MIPOL1: variants seen among roughly 807,000 people sequenced by gnomAD.
The protein encoded by MIPOL1 is mirror-image polydactyly 1, also known as mirror-image polydactyly gene 1 protein.
A neutral mutation model predicts 60.9 loss-of-function variants in MIPOL1; 57 were observed. That is an observed-to-expected ratio of 0.94 (90% CI 0.76 to 1.17). The LOEUF (loss-of-function observed/expected upper bound fraction) is 1.17. Ranked by LOEUF, MIPOL1 falls within the 50% of genes most tolerant of loss-of-function variation. The pLI, the probability that MIPOL1 is intolerant of heterozygous loss-of-function variation, is 0.00. For synonymous variants in MIPOL1, 179 were observed against 168.8 expected (o/e 1.06, Z -0.47); for missense variants, 551 against 511.6 (o/e 1.08, Z -0.74).
At chr14:37,250,115 A>G (rs1973848170) in intron 3 of MIPOL1, among the ~76,000 whole-genome samples, 2 of 152,198 alleles carry the variant, frequency 1.3e-5, no homozygotes, top group Non-Finnish European at 2.9e-5. Flanking sequence ...TAGGCACAGT[A>G]AACTATATAG....
At chr14:37,430,115 G>A (rs2094034612) in intron 11 of MIPOL1, among the ~76,000 whole-genome samples, 1 of 151,970 alleles carries the variant, frequency 6.6e-6, no homozygotes, top group African/African-American at 2.4e-5. Context: ...ACTATCTATG[G>A]AGCTACATTA....
At chr14:37,351,056 C>T (rs1244793196) in intron 9 of MIPOL1, among the ~76,000 whole-genome samples, 1 of 44,344 alleles carries the variant, frequency 2.3e-5, no homozygotes, top group Non-Finnish European at 4.4e-5. Flanking sequence ...TATCCCTCCC[C>T]CCTCCCCCCA....
chr14:37,439,063 G>C (rs2094203923), intron 11 of MIPOL1, among the ~76,000 whole-genome samples: 1 of 152,146 alleles, frequency 6.6e-6, no homozygotes, highest in Non-Finnish European at 1.5e-5. Flanking sequence ...GTGAAACATA[G>C]AGTTAACAGA....
intron 1 of MIPOL1, among the ~76,000 whole-genome samples, chr14:37,244,274 C>T (rs558048006): frequency 2.0e-5 from 3 of 151,636 alleles, no homozygotes; most frequent in Admixed American, 2.0e-4. Context: ...GTGCACACCA[C>T]CAAGCCAGGC....
chr14:37,437,683 G>A (rs375276746), intron 11 of MIPOL1, among the ~76,000 whole-genome samples: 7 of 152,150 alleles, frequency 4.6e-5, no homozygotes, highest in African/African-American at 1.7e-4. Flanking sequence ...GACCATCAAC[G>A]GGTAATTAAC....
intron 1 of MIPOL1, among the ~76,000 whole-genome samples, chr14:37,201,497 G>A (rs937366440): frequency 1.3e-5 from 2 of 152,184 alleles, no homozygotes; most frequent in South Asian, 4.1e-4. Flanking sequence ...GTAAAAATAT[G>A]TAAAAATATA....
intron 9 of MIPOL1, among the ~76,000 whole-genome samples, chr14:37,367,629 C>T (rs566403381): frequency 1.3e-5 from 2 of 152,152 alleles, no homozygotes; most frequent in East Asian, 1.9e-4. Context: ...ATTCCCAAAA[C>T]AAGCCCAACT....
chr14:37,232,988 G>C (rs1331993419), intron 1 of MIPOL1, among the ~76,000 whole-genome samples: 1 of 152,152 alleles, frequency 6.6e-6, no homozygotes. Flanking sequence ...GGTGTATACT[G>C]TTTCATCAGC....
At chr14:37,395,151 G>C (rs1385314385) in intron 10 of MIPOL1, among the ~76,000 whole-genome samples, 1 of 152,142 alleles carries the variant, frequency 6.6e-6, no homozygotes, top group African/African-American at 2.4e-5. Context: ...ATGCTGTTTT[G>C]GTGATGATAG....
intron 1 of MIPOL1, among the ~76,000 whole-genome samples, chr14:37,240,234 G>A (rs1037119765): frequency 1.3e-5 from 2 of 152,068 alleles, no homozygotes; most frequent in Admixed American, 1.3e-4. Flanking sequence ...ATGGAAAATC[G>A]CTAAATGGTT....
At chr14:37,302,259 G>GTT (rs1244984056) in intron 7 of MIPOL1, among the ~76,000 whole-genome samples, 1,025 of 58,568 alleles carry the variant, frequency 0.018, 8 homozygotes, top group Middle Eastern at 0.067. Context: ...ATTTGGAACT[G>GTT]TTGTTTTTTT....
intron 10 of MIPOL1, among the ~76,000 whole-genome samples, chr14:37,413,507 T>G (rs1301815976): frequency 6.6e-6 from 1 of 152,222 alleles, no homozygotes; most frequent in African/African-American, 2.4e-5. Flanking sequence ...AGGATACTTG[T>G]GACTACATTG....
chr14:37,517,671 G>C (rs2095380758), intron 12 of MIPOL1, among the ~76,000 whole-genome samples: 2 of 152,120 alleles, frequency 1.3e-5, no homozygotes, highest in Non-Finnish European at 2.9e-5. Context: ...CGTGCACATA[G>C]TGTAATACAA....
intron 9 of MIPOL1, among the ~76,000 whole-genome samples, chr14:37,341,906 G>A (rs2153462873): frequency 6.6e-6 from 1 of 152,290 alleles, no homozygotes; most frequent in East Asian, 1.9e-4. Flanking sequence ...CTTTAGAGGA[G>A]TTATTTATTA....
intron 11 of MIPOL1, among the ~76,000 whole-genome samples, chr14:37,431,164 G>A (rs1173629252): frequency 6.6e-6 from 1 of 152,112 alleles, no homozygotes; most frequent in Non-Finnish European, 1.5e-5. Context: ...TTTATATTTT[G>A]TTAGATTAAA....
intron 12 of MIPOL1, among the ~76,000 whole-genome samples, chr14:37,507,959 A>T (rs2095294309): frequency 6.6e-6 from 1 of 152,114 alleles, no homozygotes; most frequent in Admixed American, 6.6e-5. Flanking sequence ...TAGATGAAGT[A>T]TTATCGGGTT....
chr14:37,539,201 C>CA (rs915536578), intron 12 of MIPOL1, among the ~76,000 whole-genome samples: 3 of 150,242 alleles, frequency 2.0e-5, no homozygotes, highest in East Asian at 2.0e-4. Context: ...GACTCCGTCT[C>CA]AAAAAAAATA....
intron 9 of MIPOL1, among the ~76,000 whole-genome samples, chr14:37,309,236 G>A (rs1441020657): frequency 6.6e-6 from 1 of 151,594 alleles, no homozygotes; most frequent in African/African-American, 2.4e-5. Context: ...CCAAAGTGTT[G>A]GGGATTACAG....
At chr14:37,322,677 C>T (rs1299898620) in intron 9 of MIPOL1, among the ~76,000 whole-genome samples, 3 of 151,866 alleles carry the variant, frequency 2.0e-5, no homozygotes, top group Non-Finnish European at 4.4e-5. Context: ...TTCTAACTGG[C>T]ATGAGGTGGT....
Sources: allele counts gnomAD v4.1 joint callset (sites outside exome capture counted in the v4.1 genomes callset), GRCh38; gene constraint gnomAD v4.1.1; transcripts MANE v1.5; gene names NCBI Gene and HGNC (gene_info 2026-07-23, HGNC 2026-07-21).